Variants in NRG4 observed in about 807,000 individuals in gnomAD.
The protein encoded by NRG4 is pro-neuregulin-4, membrane-bound isoform.
NRG4 carries 10 observed loss-of-function variants against 15.0 expected under a neutral mutation model. The observed-to-expected ratio is 0.67, with a 90% CI of 0.41 to 1.13. The LOEUF (loss-of-function observed/expected upper bound fraction) is 1.13. Among genes scored for constraint, NRG4 ranks in the 50% most tolerant of loss-of-function variants. The probability of loss-of-function intolerance (pLI) is 0.00; values close to 1 mark genes in which losing one functional copy is unlikely to be tolerated. For synonymous variants in NRG4, 41 were observed against 50.1 expected (o/e 0.82, Z 0.77); for missense variants, 139 against 140.2 (o/e 0.99, Z 0.04).
chr15:76,056,170 G>A (rs1333562729), intron 2 of NRG4, among the ~76,000 whole-genome samples: 4 of 152,088 alleles, frequency 2.6e-5, no homozygotes, highest in South Asian at 4.1e-4. Flanking sequence ...TTTAGCGGCC[G>A]GGCGCAGTGG....
rs147909851 is a variant in NRG4, at chr15:76,017,792, C to T, written c.-56-6506G>A. Among the ~76,000 whole-genome samples the T allele has an allele frequency of 6.9e-3, 1,053 of 152,018 alleles. 18 individuals are homozygous for T. Among genetic ancestry groups the T allele is most frequent in the African/African-American group, 0.023 (965 of 41,446 alleles). On this transcript the variant is annotated intron_variant, in intron 5 of 8. Coordinates refer to the NRG4 transcript ENST00000563910. Reference sequence around the variant, plus strand: ...TTCATTTCAACCTTGGTGAATCTGACAATTATGTGTCTTGGGGTTGCTCTT... The same window carrying T: ...TTCATTTCAACCTTGGTGAATCTGATAATTATGTGTCTTGGGGTTGCTCTT...
intron 3 of NRG4, chr15:76,005,696 AAAAG>A: frequency 3.0e-6 from 1 of 338,002 alleles, no homozygotes; most frequent in South Asian, 2.6e-5. Flanking sequence ...AAAAAAAAAA[AAAAG>A]GAAAGAAAAG....
intron 3 of NRG4, among the ~76,000 whole-genome samples, chr15:75,984,862 T>C (rs1386310240): frequency 1.3e-5 from 2 of 152,198 alleles, no homozygotes; most frequent in Non-Finnish European, 2.9e-5. Context: ...TGTTTTGTCT[T>C]GAGACAGAGT....
At chr15:76,023,183 C>CACACACACACACA (rs67858639) in intron 5 of NRG4, among the ~76,000 whole-genome samples, 1 of 112,458 alleles carries the variant, frequency 8.9e-6, no homozygotes, top group Non-Finnish European at 2.0e-5. Flanking sequence ...CACACACACA[C>CACACACACACACA]AAGCAAGGAC....
chr15:75,946,108 A>T, intron 5 of NRG4, among the ~76,000 whole-genome samples: 1 of 152,232 alleles, frequency 6.6e-6, no homozygotes, highest in East Asian at 1.9e-4. Flanking sequence ...CGGCATATAC[A>T]GTGTGGATGT....
chr15:76,013,748 G>A (rs1313464650), upstream of NRG4, among the ~76,000 whole-genome samples: 1 of 152,120 alleles, frequency 6.6e-6, no homozygotes, highest in Non-Finnish European at 1.5e-5. Context: ...ATCATTGAGG[G>A]GAATTTGGGT....
At chr15:76,021,460 C>T (rs984548136) in intron 5 of NRG4, among the ~76,000 whole-genome samples, 2 of 152,174 alleles carry the variant, frequency 1.3e-5, no homozygotes, top group Admixed American at 1.3e-4. Flanking sequence ...GTGTGACTCA[C>T]TTTATTGTGA....
chr15:75,949,065 G>A (rs2031717857), intron 5 of NRG4, among the ~76,000 whole-genome samples: 1 of 152,062 alleles, frequency 6.6e-6, no homozygotes, highest in African/African-American at 2.4e-5. Context: ...AAACAAAGAA[G>A]TCTACAATTC....
At chr15:76,029,226 A>G (rs1022929217) in intron 5 of NRG4, among the ~76,000 whole-genome samples, 6 of 152,230 alleles carry the variant, frequency 3.9e-5, no homozygotes, top group Admixed American at 2.6e-4. Context: ...AGGTGCAGAA[A>G]AGAGCATTTG....
chr15:76,025,883 T>TA (rs957955420), intron 5 of NRG4, among the ~76,000 whole-genome samples: 48 of 144,518 alleles, frequency 3.3e-4, no homozygotes, highest in Admixed American at 6.2e-4. Flanking sequence ...TCTCAAAAAT[T>TA]AAAAAAAAAA....
upstream of NRG4, among the ~76,000 whole-genome samples, chr15:76,015,688 G>C (rs924384699): frequency 1.3e-5 from 2 of 152,178 alleles, no homozygotes. Flanking sequence ...GCATTCCAGG[G>C]ATGAAGCTGA....
intron 4 of NRG4, among the ~76,000 whole-genome samples, chr15:76,051,195 C>G (rs1010637135): frequency 1.3e-5 from 2 of 148,472 alleles, no homozygotes; most frequent in African/African-American, 5.1e-5. Context: ...TTAGTAGAGA[C>G]GGGGTTTCAC....
At chr15:75,968,398 G>A (rs1456603292) in intron 3 of NRG4, among the ~76,000 whole-genome samples, 1 of 151,972 alleles carries the variant, frequency 6.6e-6, no homozygotes, top group Non-Finnish European at 1.5e-5. Flanking sequence ...GACCATCCTG[G>A]CCAACGTGGT....
chr15:76,055,564 A>G (rs1189357525), intron 2 of NRG4, among the ~76,000 whole-genome samples: 2 of 152,204 alleles, frequency 1.3e-5, no homozygotes, highest in African/African-American at 4.8e-5. Context: ...TTTACTTGGA[A>G]ATATATACAA....
intron 5 of NRG4, among the ~76,000 whole-genome samples, 172 bp downstream of exon 5, chr15:75,955,758 TAA>T (rs2032198871): frequency 2.2e-5 from 2 of 91,966 alleles, no homozygotes; most frequent in Non-Finnish European, 4.5e-5. Context: ...ATACTGATAA[TAA>T]ATTCATTTTT....
intron 5 of NRG4, among the ~76,000 whole-genome samples, chr15:76,029,305 C>T (rs768593537): frequency 6.6e-6 from 1 of 152,000 alleles, no homozygotes; most frequent in East Asian, 1.9e-4. Context: ...AATACCTTAA[C>T]AAAATAAAGG....
chr15:76,024,429 T>C (rs552281559), intron 5 of NRG4, among the ~76,000 whole-genome samples: 28 of 152,258 alleles, frequency 1.8e-4, no homozygotes, highest in Middle Eastern at 3.4e-3. Context: ...TTAGAAGCCA[T>C]GCATCTGCAT....
At chr15:75,945,919 A>G (rs1390254452) in intron 5 of NRG4, 1 of 152,238 alleles carries the variant, frequency 6.6e-6, no homozygotes, top group Non-Finnish European at 1.5e-5. Flanking sequence ...TAAATTGGAC[A>G]CAGTAAGATT....
At chr15:76,053,875 A>T (rs2036085618) in intron 2 of NRG4, among the ~76,000 whole-genome samples, 1 of 151,066 alleles carries the variant, frequency 6.6e-6, no homozygotes, top group Non-Finnish European at 1.5e-5. Flanking sequence ...CCACAATTGG[A>T]ATAGTGGATC....
Sources: allele counts gnomAD v4.1 joint callset (sites outside exome capture counted in the v4.1 genomes callset), GRCh38; gene constraint gnomAD v4.1.1; transcripts MANE v1.5; gene names NCBI Gene and HGNC (gene_info 2026-07-23, HGNC 2026-07-21).